Variants in CDADC1 observed in about 807,000 individuals in gnomAD.
The protein encoded by CDADC1 is dCTP deaminase.
CDADC1 carries 39 observed loss-of-function variants against 54.9 expected under a neutral mutation model. That is an observed-to-expected ratio of 0.71 (90% CI 0.55 to 0.93). The LOEUF is 0.93. Ranked by LOEUF, CDADC1 falls within the 40% of genes least tolerant of loss-of-function variation. CDADC1 has a pLI of 0.00. For missense variants in CDADC1, 518 were observed against 618.8 expected, an observed-to-expected ratio of 0.84 and a Z score of 1.73; for synonymous variants, 186 against 204.0, an observed-to-expected ratio of 0.91 and a Z score of 0.75.
intron 6 of CDADC1, among the ~76,000 whole-genome samples, chr13:49,276,432 T>C (rs138938795): frequency 1.1e-3 from 171 of 152,352 alleles, no homozygotes; most frequent in Middle Eastern, 3.4e-3. Flanking sequence ...AGTAACTATA[T>C]AGCTGACTGA....
At chr13:49,259,903 A>G (rs539918829) in intron 4 of CDADC1, among the ~76,000 whole-genome samples, 4 of 152,172 alleles carry the variant, frequency 2.6e-5, no homozygotes, top group South Asian at 2.1e-4. Context: ...GTGGGAACAC[A>G]TTTGCTAAAT....
In CDADC1 at chr13:49,268,153, T is replaced by TA. The variant is rs1952870870; in HGVS notation, c.1000+95dup. Reference sequence around the variant, plus strand: ...ATTTATGGTAGAGTTCATTTACTCATAGTTACTTAAGTTTTGCTGTTCATA... The same window carrying TA: ...ATTTATGGTAGAGTTCATTTACTCATAAGTTACTTAAGTTTTGCTGTTCATA... On this transcript the variant is annotated intron_variant, in intron 5 of 9. Transcript: ENST00000251108. The TA allele has an allele frequency of 6.9e-5, 70 of 1,013,136 alleles. 1 individual carries two copies. The South Asian group carries it at 1.1e-3, about 15-fold the overall frequency. 62.8% of individuals were successfully genotyped at this position (1,013,136 alleles called of 1,614,324 possible).
intron 2 of CDADC1, among the ~76,000 whole-genome samples, chr13:49,250,775 T>C (rs996233710): frequency 1.3e-5 from 2 of 152,242 alleles, no homozygotes; most frequent in Non-Finnish European, 2.9e-5. Flanking sequence ...TAAAATGATA[T>C]CTCTTGGTGT....
At chr13:49,251,279 G>A (rs1012596982) in intron 2 of CDADC1, among the ~76,000 whole-genome samples, 5 of 151,718 alleles carry the variant, frequency 3.3e-5, no homozygotes, top group African/African-American at 4.8e-5. Flanking sequence ...GTGGTGGTGC[G>A]TGCCTGTAGT....
Position 49,278,400 on chromosome 13 carries a change from T to C in CDADC1, c.1101T>C (p.Asn367=), listed in dbSNP as rs1017596173. The C allele has an allele frequency of 6.2e-7, 1 of 1,602,920 alleles. No homozygotes were observed. Among genetic ancestry groups the C allele is most frequent in the Non-Finnish European group, 8.5e-7 (1 of 1,171,662 alleles). ...GAMYFVGCGY[N]AFPVGSEYAD... ...TGTACTTTGTAGGATGTGGTTACAA[T>C]GCTTTTCCTGTTGGATCTGAGTATG... Residue 367 remains asparagine, a synonymous_variant, in exon 7 of 10, where the codon AAT becomes AAC. Transcript: ENST00000251108.
At chr13:49,272,661 T>C (rs1466662656) in intron 5 of CDADC1, among the ~76,000 whole-genome samples, 1 of 149,878 alleles carries the variant, frequency 6.7e-6, no homozygotes, top group Non-Finnish European at 1.5e-5. Flanking sequence ...CTTTTTCTTT[T>C]TTTTTTTTTT....
chr13:49,260,093 C>T (rs947217941), intron 4 of CDADC1, among the ~76,000 whole-genome samples: 4 of 151,882 alleles, frequency 2.6e-5, no homozygotes, highest in Non-Finnish European at 5.9e-5. Context: ...GACCCTGTCT[C>T]TAAAAAATAA....
At chr13:49,290,561 T>C (rs893109774) in intron 9 of CDADC1, among the ~76,000 whole-genome samples, 6 of 152,076 alleles carry the variant, frequency 3.9e-5, no homozygotes, top group African/African-American at 9.7e-5. Context: ...GGGCAGAACA[T>C]ACAGGCTCAG....
intron 4 of CDADC1, among the ~76,000 whole-genome samples, chr13:49,265,161 T>A (rs1253107542): frequency 6.6e-6 from 1 of 152,240 alleles, no homozygotes; most frequent in African/African-American, 2.4e-5. Flanking sequence ...TCTGAAAACA[T>A]TTTTTATTAA....
At chr13:49,257,740 C>T (rs528388151) in intron 3 of CDADC1, among the ~76,000 whole-genome samples, 6 of 152,174 alleles carry the variant, frequency 3.9e-5, no homozygotes, top group African/African-American at 1.2e-4. Context: ...CCAGCCTGGG[C>T]GACAGAGTGA....
In CDADC1 at chr13:49,255,890, A is replaced by G. The variant is rs747467869; in HGVS notation, c.229A>G (p.Arg77Gly). ...GPLGDNEERT[R>G]VSTDKRQVKR... ...CTTAGGAGATAATGAAGAGAGGACC[A>G]GAGTATCTACTGACAAAAGACAGGT... The change falls in exon 3 of 10, where the codon AGA becomes GGA. Residue 77 changes from arginine to glycine, a missense_variant. Coordinates refer to ENST00000251108, the MANE Select transcript of CDADC1 (RefSeq NM_030911.4). 7 of 1,611,984 alleles carry G rather than the reference A, an allele frequency of 4.3e-6. No individual in the cohort carries two copies. The African/African-American group carries it at 9.4e-5, about 22-fold the overall frequency.
intron 8 of CDADC1, among the ~76,000 whole-genome samples, chr13:49,282,781 C>A (rs1226389378): frequency 6.6e-6 from 1 of 152,250 alleles, no homozygotes; most frequent in Admixed American, 6.5e-5. Context: ...GCATTAGATT[C>A]TCATGTGAGT....
chr13:49,268,618 T>C (rs112152906), intron 5 of CDADC1, among the ~76,000 whole-genome samples: 142 of 152,142 alleles, frequency 9.3e-4, no homozygotes, highest in African/African-American at 3.2e-3. Flanking sequence ...TGAGCTACAA[T>C]AGCACCACTG....
At chr13:49,276,454 A>G (rs1953136367) in intron 6 of CDADC1, among the ~76,000 whole-genome samples, 1 of 152,208 alleles carries the variant, frequency 6.6e-6, no homozygotes, top group Non-Finnish European at 1.5e-5. Context: ...AGGTGAGCCT[A>G]CATTTTGCCT....
chr13:49,275,876 C>A (rs1444748969), intron 6 of CDADC1, among the ~76,000 whole-genome samples: 1 of 151,180 alleles, frequency 6.6e-6, no homozygotes, highest in Admixed American at 6.6e-5. Context: ...TCAAGCAATT[C>A]TCCTGTCTCA....
chr13:49,290,084 T>G (rs1953654904), intron 9 of CDADC1, among the ~76,000 whole-genome samples: 1 of 151,690 alleles, frequency 6.6e-6, no homozygotes, highest in South Asian at 2.1e-4. Context: ...AAATATACTT[T>G]AATATATAGT....
intron 9 of CDADC1, among the ~76,000 whole-genome samples, chr13:49,289,636 C>G (rs1013114930): frequency 6.6e-6 from 1 of 152,168 alleles, no homozygotes; most frequent in African/African-American, 2.4e-5. Flanking sequence ...TGAACTAGAG[C>G]TACATTCTTC....
At chr13:49,270,221 G>T (rs767062740) in intron 5 of CDADC1, among the ~76,000 whole-genome samples, 2 of 152,004 alleles carry the variant, frequency 1.3e-5, no homozygotes, top group Admixed American at 6.6e-5. Context: ...GAATTTTTCC[G>T]ATTTTATTTT....
intron 5 of CDADC1, among the ~76,000 whole-genome samples, chr13:49,269,471 C>A (rs1056256906): frequency 6.6e-6 from 1 of 152,108 alleles, no homozygotes; most frequent in African/African-American, 2.4e-5. Context: ...TTGCTCAATT[C>A]TTCTTAAAGA....
Sources: gnomAD v4.1 joint callset for allele counts (sites outside exome capture counted in the v4.1 genomes callset) on GRCh38, gnomAD v4.1.1 for gene constraint, MANE v1.5 for transcripts, NCBI Gene and HGNC (gene_info 2026-07-23, HGNC 2026-07-21) for gene names.